Variants in LCORL observed in about 807,000 individuals in gnomAD.
LCORL encodes the protein ligand-dependent nuclear receptor corepressor-like protein.
Under a neutral mutation model 141.8 loss-of-function variants are expected in LCORL, and 41 were observed. The observed-to-expected ratio is 0.29, with a 90% confidence interval of 0.23 to 0.38. The LOEUF is 0.38. LCORL is among the 10% of genes least tolerant of loss of function. The pLI is 1.00. For missense variants in LCORL, 1,759 were observed against 2,035.0 expected (o/e 0.86, Z 2.61); for synonymous variants, 618 against 694.1 (o/e 0.89, Z 1.72).
At chr4:17,932,131 C>T (rs574362712) in intron 4 of LCORL, among the ~76,000 whole-genome samples, 13 of 152,226 alleles carry the variant, frequency 8.5e-5, no homozygotes, top group Admixed American at 6.5e-4. Context: ...CTTTTTCTCA[C>T]TCCTTTTAGT....
chr4:17,916,962 A>C (rs1733541085), intron 4 of LCORL, among the ~76,000 whole-genome samples: 1 of 151,400 alleles, frequency 6.6e-6, no homozygotes, highest in African/African-American at 2.4e-5. Flanking sequence ...TAGATTACTC[A>C]ACCTCAGGTA....
At chr4:17,879,275 C>T (rs1265160941) in intron 6 of LCORL, among the ~76,000 whole-genome samples, 2 of 150,904 alleles carry the variant, frequency 1.3e-5, no homozygotes, top group Middle Eastern at 3.4e-3. Flanking sequence ...ACTGACATAG[C>T]CTGTTTCAGA....
At chr4:17,953,891 C>T (rs545814857) in intron 4 of LCORL, among the ~76,000 whole-genome samples, 6 of 152,128 alleles carry the variant, frequency 3.9e-5, no homozygotes, top group East Asian at 1.9e-4. Flanking sequence ...GGGCCAGGCG[C>T]GGTGGCTCAC....
chr4:17,945,749 A>C (rs921819090), intron 4 of LCORL, among the ~76,000 whole-genome samples: 2 of 151,976 alleles, frequency 1.3e-5, no homozygotes, highest in African/African-American at 4.8e-5. Context: ...TTAGAGTTTT[A>C]GATGCATTAT....
rs1424256760 is a variant in LCORL at position 17,961,894 on chromosome 4, C to CA, written c.430+8dup. 4 of 1,599,698 alleles carry CA rather than the reference C, an allele frequency of 2.5e-6. No individual in the cohort carries two copies. Among genetic ancestry groups the CA allele is most frequent in the Non-Finnish European group, 3.4e-6 (4 of 1,174,114 alleles). ...GCAAATTTTAAATGACAAAGCATAC[C>CA]AATATTACCTTTCTTTCGAAAGAGT... On this transcript the variant is annotated intron_variant, in intron 4 of 7. Transcript: ENST00000635767.
At chr4:18,017,106 A>G (rs1281029527) in intron 1 of LCORL, among the ~76,000 whole-genome samples, 1 of 152,136 alleles carries the variant, frequency 6.6e-6, no homozygotes, top group Non-Finnish European at 1.5e-5. Flanking sequence ...TGAGACACCC[A>G]TTGGCCAAAC....
chr4:18,001,975 A>T (rs780828185), intron 1 of LCORL, among the ~76,000 whole-genome samples: 41 of 150,520 alleles, frequency 2.7e-4, no homozygotes, highest in Non-Finnish European at 5.5e-4. Flanking sequence ...ATCCACACAC[A>T]TATGTTTGTT....
intron 4 of LCORL, among the ~76,000 whole-genome samples, chr4:17,956,473 A>G (rs1309779892): frequency 1.3e-5 from 2 of 152,144 alleles, no homozygotes; most frequent in Non-Finnish European, 2.9e-5. Context: ...TCAGCCATAA[A>G]AAGAATAAAA....
intron 1 of LCORL, among the ~76,000 whole-genome samples, chr4:18,003,727 G>A (rs758733550): frequency 6.6e-6 from 1 of 152,202 alleles, no homozygotes; most frequent in South Asian, 2.1e-4. Context: ...ATATGTCAAA[G>A]CTACAGGGAT....
intron 4 of LCORL, among the ~76,000 whole-genome samples, chr4:17,942,467 A>C (rs968059761): frequency 2.6e-5 from 4 of 152,134 alleles, no homozygotes. Context: ...CTTTTTAATC[A>C]TCTTTAATTT....
intron 2 of LCORL, among the ~76,000 whole-genome samples, chr4:17,967,776 T>C (rs1400855302): frequency 1.3e-5 from 2 of 152,224 alleles, no homozygotes; most frequent in African/African-American, 4.8e-5. Context: ...GATAAGTATG[T>C]ATCAAATATC....
intron 5 of LCORL, among the ~76,000 whole-genome samples, chr4:17,904,767 TG>T: frequency 6.6e-6 from 1 of 152,176 alleles, no homozygotes; most frequent in Non-Finnish European, 1.5e-5. Flanking sequence ...AATAGCACCC[TG>T]TTTTAATTAC....
At chr4:18,018,176 A>C (rs1724907431) in intron 1 of LCORL, among the ~76,000 whole-genome samples, 1 of 152,118 alleles carries the variant, frequency 6.6e-6, no homozygotes, top group Admixed American at 6.5e-5. Flanking sequence ...TATTTATTTT[A>C]TTCTAGACCT....
intron 4 of LCORL, among the ~76,000 whole-genome samples, chr4:17,945,756 T>C (rs1738772341): frequency 6.6e-6 from 1 of 151,814 alleles, no homozygotes; most frequent in South Asian, 2.1e-4. Context: ...TTTAGATGCA[T>C]TATATATAGT....
At chr4:17,939,905 T>C (rs1182480045) in intron 4 of LCORL, among the ~76,000 whole-genome samples, 2 of 119,398 alleles carry the variant, frequency 1.7e-5, no homozygotes, top group African/African-American at 8.1e-5. Context: ...TATATGTATA[T>C]ATACATATAT....
At chr4:17,911,576 T>A (rs1405874331) in intron 4 of LCORL, 1 of 307,800 alleles carries the variant, frequency 3.2e-6, no homozygotes, top group Non-Finnish European at 6.2e-6. Context: ...AAAAAGCTTA[T>A]GAGGATAATG....
intron 4 of LCORL, among the ~76,000 whole-genome samples, chr4:17,925,949 C>T (rs190647842): frequency 8.0e-5 from 12 of 149,488 alleles, no homozygotes; most frequent in Non-Finnish European, 1.8e-4. Flanking sequence ...AAAATACCTT[C>T]ATTTCCTTTC....
intron 4 of LCORL, among the ~76,000 whole-genome samples, chr4:17,928,125 G>C (rs1297587867): frequency 6.6e-6 from 1 of 152,304 alleles, no homozygotes; most frequent in African/African-American, 2.4e-5. Context: ...AGTCCACCCT[G>C]GCTGGGCATA....
At chr4:17,994,178 TTTC>T (rs1327079495) in intron 1 of LCORL, among the ~76,000 whole-genome samples, 1 of 152,206 alleles carries the variant, frequency 6.6e-6, no homozygotes, top group Non-Finnish European at 1.5e-5. Context: ...TAAAACAAGT[TTTC>T]TTCAAGTATC....
Sources: gnomAD v4.1 joint callset for allele counts (sites outside exome capture counted in the v4.1 genomes callset) on GRCh38, gnomAD v4.1.1 for gene constraint, MANE v1.5 for transcripts, NCBI Gene and HGNC (gene_info 2026-07-23, HGNC 2026-07-21) for gene names.